The following RBFOX2 variants were observed in gnomAD, a reference collection of about 807,000 sequenced individuals.
RBFOX2 encodes RNA binding protein fox-1 homolog 2.
A neutral mutation model predicts 49.1 loss-of-function variants in RBFOX2; 10 were observed. The observed-to-expected ratio is 0.20, with a 90% CI of 0.13 to 0.35. The LOEUF (loss-of-function observed/expected upper bound fraction) is 0.35, where lower values mean the gene tolerates loss of function less well. RBFOX2 is among the 10% of genes least tolerant of loss of function. The probability of loss-of-function intolerance (pLI) is 1.00; values close to 1 mark genes in which losing one functional copy is unlikely to be tolerated. For missense variants in RBFOX2, 323 were observed against 486.9 expected (o/e 0.66, Z 3.17); for synonymous variants, 183 against 187.4 (o/e 0.98, Z 0.19).
chr22:35,962,986 T>C (rs1219294294), upstream of RBFOX2, among the ~76,000 whole-genome samples: 1 of 119,652 alleles, frequency 8.4e-6, no homozygotes, highest in Non-Finnish European at 1.6e-5. Context: ...ATGAAAAAAA[T>C]AAGGCACACA....
chr22:36,015,166 T>C (rs2058984933), intron 1 of RBFOX2, among the ~76,000 whole-genome samples: 1 of 152,206 alleles, frequency 6.6e-6, no homozygotes. Flanking sequence ...TTGGATGATA[T>C]CAAAATTTGC....
chr22:35,920,004 T>C (rs1023530853), intron 1 of RBFOX2, among the ~76,000 whole-genome samples: 3 of 152,128 alleles, frequency 2.0e-5, no homozygotes, highest in South Asian at 4.2e-4. Flanking sequence ...CCAGCTCACA[T>C]AGTAAAACAA....
intron 1 of RBFOX2, among the ~76,000 whole-genome samples, chr22:35,900,382 G>T (rs556051331): frequency 6.6e-6 from 1 of 152,008 alleles, no homozygotes; most frequent in South Asian, 2.1e-4. Flanking sequence ...ATAGCGGGGG[G>T]AAGTAGGTAT....
chr22:35,769,428 T>A (rs1367608960), intron 4 of RBFOX2, among the ~76,000 whole-genome samples: 1 of 152,186 alleles, frequency 6.6e-6, no homozygotes, highest in East Asian at 1.9e-4. Flanking sequence ...GTTCACGTAC[T>A]ACCAATTTTA....
intron 1 of RBFOX2, among the ~76,000 whole-genome samples, chr22:35,958,302 T>C (rs1020119115): frequency 1.4e-4 from 21 of 152,200 alleles, no homozygotes; most frequent in African/African-American, 4.8e-4. Flanking sequence ...CTATAAAATA[T>C]ATGTGATCAT....
intron 1 of RBFOX2, among the ~76,000 whole-genome samples, chr22:35,934,988 G>A (rs942907596): frequency 8.5e-5 from 13 of 152,060 alleles, no homozygotes; most frequent in African/African-American, 3.1e-4. Flanking sequence ...AGGCTGGAGC[G>A]CAGTGGCACA....
At chr22:35,849,180 G>A (rs776708459) in intron 1 of RBFOX2, among the ~76,000 whole-genome samples, 5 of 151,962 alleles carry the variant, frequency 3.3e-5, no homozygotes, top group African/African-American at 4.8e-5. Flanking sequence ...TGCCAACTGT[G>A]CCTCTCATCT....
At position 35,840,469 on chromosome 22, in the gene RBFOX2, C is replaced by G. The variant is rs1958543900; in HGVS notation, c.-251G>C. On this transcript the variant is annotated 5_prime_UTR_variant, in exon 1 of 12. Coordinates refer to ENST00000405409, the Ensembl canonical transcript of RBFOX2. ...ATCTCAGGCAGATGGCTGAAGGAAG[C>G]CCCACCCCTGAATGCCTAAGGTAAT... 6 of 1,407,466 alleles carry G rather than the reference C, an allele frequency of 4.3e-6. No homozygotes were observed. The East Asian group carries it at 1.6e-4, about 36-fold the overall frequency. The allele number at this position is 1,407,466 out of a possible 1,614,324, so 87.2% of individuals were successfully genotyped here. A position where few individuals can be genotyped will look rare whatever the true frequency, so the allele number is the denominator to read the frequency against.
At chr22:35,982,629 T>C (rs559824637) in intron 1 of RBFOX2, among the ~76,000 whole-genome samples, 2 of 152,142 alleles carry the variant, frequency 1.3e-5, no homozygotes, top group Admixed American at 6.5e-5. Context: ...GGACGGTAAT[T>C]TGAGGTCTGA....
At chr22:35,994,598 GTCTC>G (rs373843804) in intron 1 of RBFOX2, 2 of 151,936 alleles carry the variant, frequency 1.3e-5, no homozygotes, top group East Asian at 1.9e-4. Context: ...TAGAAATGGG[GTCTC>G]TCTATGTTGC....
At chr22:35,957,035 C>G (rs1163535200) in intron 1 of RBFOX2, among the ~76,000 whole-genome samples, 1 of 152,068 alleles carries the variant, frequency 6.6e-6, no homozygotes, top group Non-Finnish European at 1.5e-5. Flanking sequence ...CATAATAAGC[C>G]CATGTCCTAG....
intron 1 of RBFOX2, among the ~76,000 whole-genome samples, chr22:35,826,473 T>C (rs1955761049): frequency 6.6e-6 from 1 of 152,104 alleles, no homozygotes; most frequent in African/African-American, 2.4e-5. Context: ...AAGTTCTCCA[T>C]GTTCTTTTTC....
intron 1 of RBFOX2, among the ~76,000 whole-genome samples, chr22:35,952,291 GC>G (rs1474964680): frequency 3.3e-5 from 5 of 152,122 alleles, no homozygotes; most frequent in African/African-American, 1.2e-4. Flanking sequence ...TTGCTTTATA[GC>G]CTTTTACTAG....
chr22:35,918,311 A>C (rs1489575319), intron 1 of RBFOX2, among the ~76,000 whole-genome samples: 1 of 152,204 alleles, frequency 6.6e-6, no homozygotes, highest in African/African-American at 2.4e-5. Flanking sequence ...TATTCCTTGG[A>C]GATTAAATCA....
chr22:35,902,044 C>T (rs1264620748), intron 1 of RBFOX2, among the ~76,000 whole-genome samples: 1 of 151,930 alleles, frequency 6.6e-6, no homozygotes, highest in Non-Finnish European at 1.5e-5. Context: ...TGCACCACTG[C>T]ACTCCAGCCT....
chr22:35,934,123 T>C (rs1191200903), intron 1 of RBFOX2, among the ~76,000 whole-genome samples: 1 of 151,286 alleles, frequency 6.6e-6, no homozygotes, highest in Non-Finnish European at 1.5e-5. Flanking sequence ...ATAGACAGTT[T>C]CACCCAAATT....
At chr22:36,017,449 A>G (rs981436032) in intron 1 of RBFOX2, among the ~76,000 whole-genome samples, 2 of 151,942 alleles carry the variant, frequency 1.3e-5, no homozygotes, top group African/African-American at 4.8e-5. Flanking sequence ...AATTGTTTGA[A>G]CCCGGGAGGC....
At chr22:35,751,658 C>G (rs1934971930) in intron 9 of RBFOX2, among the ~76,000 whole-genome samples, 1 of 152,120 alleles carries the variant, frequency 6.6e-6, no homozygotes, top group African/African-American at 2.4e-5. Flanking sequence ...GTGAGTAACA[C>G]ACAAACTTAC....
chr22:35,769,298 G>A (rs1171180361), intron 4 of RBFOX2, among the ~76,000 whole-genome samples: 3 of 152,096 alleles, frequency 2.0e-5, no homozygotes, highest in African/African-American at 2.4e-5. Flanking sequence ...AATGCAGCTG[G>A]TATAATGACT....
Sources: gnomAD v4.1 joint callset for allele counts (sites outside exome capture counted in the v4.1 genomes callset) on GRCh38, gnomAD v4.1.1 for gene constraint, MANE v1.5 for transcripts, NCBI Gene and HGNC (gene_info 2026-07-23, HGNC 2026-07-21) for gene names.